The following RANBP17 variants were observed in gnomAD, a reference collection of about 807,000 sequenced individuals.
The protein encoded by RANBP17 is ran-binding protein 17.
In RANBP17, 158 loss-of-function variants were observed where a neutral mutation model predicts 141.2. The ratio of observed to expected loss-of-function variants is 1.12; its 90% CI spans 0.98 to 1.28. RANBP17 has a LOEUF of 1.28. Among genes scored for constraint, RANBP17 ranks in the 50% most tolerant of loss-of-function variants. The pLI, the probability that RANBP17 is intolerant of heterozygous loss-of-function variation, is 0.00. For missense variants in RANBP17, 1,438 were observed against 1,290.7 expected, an observed-to-expected ratio of 1.11 and a Z score of -1.75; for synonymous variants, 430 against 450.0, an observed-to-expected ratio of 0.96 and a Z score of 0.56.
chr5:171,011,130 A>T (rs901474699), intron 14 of RANBP17, among the ~76,000 whole-genome samples: 14 of 152,120 alleles, frequency 9.2e-5, no homozygotes, highest in African/African-American at 3.4e-4. Flanking sequence ...ATCTCTCATG[A>T]GCACAAATAC....
At chr5:171,164,733 A>T (rs960117912) in intron 14 of RANBP17, among the ~76,000 whole-genome samples, 3 of 152,226 alleles carry the variant, frequency 2.0e-5, no homozygotes, top group Non-Finnish European at 4.4e-5. Flanking sequence ...AGAGATGGGT[A>T]ACTGGTTAAA....
chr5:171,158,526 A>G (rs1169661270), intron 14 of RANBP17: 1 of 179,912 alleles, frequency 5.6e-6, no homozygotes, highest in African/African-American at 2.4e-5. Context: ...TAACAAGAAA[A>G]ATTATAACAT....
chr5:171,025,518 C>T (rs1231531985), intron 14 of RANBP17, among the ~76,000 whole-genome samples: 1 of 151,796 alleles, frequency 6.6e-6, no homozygotes, highest in African/African-American at 2.4e-5. Context: ...AGCCTTCCCT[C>T]ACCCTCACTC....
At chr5:171,186,189 C>G (rs1256568358) in intron 18 of RANBP17, among the ~76,000 whole-genome samples, 1 of 152,182 alleles carries the variant, frequency 6.6e-6, no homozygotes, top group East Asian at 1.9e-4. Flanking sequence ...ACATTGACCT[C>G]TCCTCTGTAG....
chr5:171,205,484 A>G (rs1372706344), intron 19 of RANBP17, 40 bp from the exon 20 acceptor site: 1 of 1,527,088 alleles, frequency 6.5e-7, no homozygotes, highest in South Asian at 1.1e-5. Context: ...GCTCTGCGCT[A>G]ACGTGAAAAT....
At chr5:171,104,505 C>T (rs1754635778) in intron 14 of RANBP17, among the ~76,000 whole-genome samples, 1 of 152,154 alleles carries the variant, frequency 6.6e-6, no homozygotes, top group Non-Finnish European at 1.5e-5. Context: ...TGCTTCATTG[C>T]CACATTACAT....
Position 171,118,373 on chromosome 5 carries a change from A to C in RANBP17, c.1711-51757A>C. Reference sequence around the variant, plus strand: ...CTTTTTACTCGATGTCATTTTGGCTATATTTGGGGTCTTTGTGCTTCTATA... The same window carrying C: ...CTTTTTACTCGATGTCATTTTGGCTCTATTTGGGGTCTTTGTGCTTCTATA... On this transcript the variant is annotated intron_variant, in intron 14 of 27. Coordinates refer to ENST00000523189, the MANE Select transcript of RANBP17 (RefSeq NM_022897.5). Among the ~76,000 whole-genome samples the C allele has an allele frequency of 1.3e-5, 2 of 152,024 alleles. 1 individual carries two copies. The highest frequency in any genetic ancestry group is 4.2e-4 in the South Asian group (2 of 4,816).
intron 14 of RANBP17, among the ~76,000 whole-genome samples, chr5:171,077,209 G>C (rs965287164): frequency 1.3e-5 from 2 of 152,004 alleles, no homozygotes; most frequent in Non-Finnish European, 2.9e-5. Flanking sequence ...GTGTGGTGGC[G>C]GGCGCCTGTA....
Position 170,918,866 on chromosome 5 carries a change from A to G in RANBP17, c.1101+7A>G. 2.6e-6 allele frequency: 4 copies of G among 1,538,086 alleles called. No individual in the cohort carries two copies. Among genetic ancestry groups the G allele is most frequent in the Non-Finnish European group, 3.5e-6 (4 of 1,136,490 alleles). Reference sequence around the variant, plus strand: ...TACCATTACTAGCCTACAGGTAGGTAAAAATATGTAATTATGTTAAACTGT... The same window carrying G: ...TACCATTACTAGCCTACAGGTAGGTGAAAATATGTAATTATGTTAAACTGT... On this transcript the variant is annotated splice_region_variant and intron_variant, in intron 10 of 27. Coordinates refer to ENST00000523189, the MANE Select transcript of RANBP17 (RefSeq NM_022897.5).
intron 14 of RANBP17, among the ~76,000 whole-genome samples, chr5:171,125,194 G>A (rs1246239036): frequency 1.3e-5 from 2 of 151,580 alleles, no homozygotes; most frequent in Non-Finnish European, 2.9e-5. Flanking sequence ...CTACTCGGGA[G>A]GCTGAGGCAT....
intron 25 of RANBP17, among the ~76,000 whole-genome samples, chr5:171,271,801 A>G (rs140572126): frequency 6.6e-6 from 1 of 152,274 alleles, no homozygotes; most frequent in Non-Finnish European, 1.5e-5. Context: ...CTCAAATTTC[A>G]TAACAGAATT....
chr5:170,907,172 A>G (rs113137228), intron 5 of RANBP17, among the ~76,000 whole-genome samples: 30 of 152,052 alleles, frequency 2.0e-4, no homozygotes, highest in East Asian at 9.7e-4. Context: ...GGAGGATTAT[A>G]TAAGTTATCC....
intron 14 of RANBP17, among the ~76,000 whole-genome samples, chr5:171,159,917 CAAAAAA>C (rs1175963382): frequency 4.6e-4 from 19 of 41,488 alleles, no homozygotes; most frequent in South Asian, 1.1e-3. Context: ...GACTCCATCT[CAAAAAA>C]AAAAAAAAAA....
Position 170,955,588 on chromosome 5 carries a change from A to G in RANBP17, c.1574+1886A>G, listed in dbSNP as rs1422233717. On this transcript the variant is annotated intron_variant, in intron 13 of 27. Transcript: ENST00000523189. Reference sequence around the variant, plus strand: ...ATATATGCTCAGTCTGTGTGTATATATATATATATATATATATATATGCTC... The same window carrying G: ...ATATATGCTCAGTCTGTGTGTATATGTATATATATATATATATATATGCTC... 3.4e-3 allele frequency among the ~76,000 whole-genome samples: 255 copies of G among 74,844 alleles called. 14 individuals are homozygous for G. The highest frequency in any genetic ancestry group is 0.015 in the African/African-American group (248 of 16,954). The allele number at this position is 74,844 out of a possible 152,430, so 49.1% of individuals were successfully genotyped here.
intron 7 of RANBP17, among the ~76,000 whole-genome samples, chr5:170,912,710 A>C (rs950228691): frequency 6.6e-6 from 1 of 151,894 alleles, no homozygotes; most frequent in Admixed American, 6.6e-5. Context: ...AGGAAAAAAA[A>C]ACCAAGAAAA....
chr5:170,982,373 C>T (rs984545035), intron 14 of RANBP17, among the ~76,000 whole-genome samples: 23 of 151,992 alleles, frequency 1.5e-4, no homozygotes, highest in African/African-American at 5.6e-4. Context: ...CAATAGCTAG[C>T]CTCTTGAAGA....
At chr5:170,942,530 A>G (rs1265504235) in intron 12 of RANBP17, among the ~76,000 whole-genome samples, 1 of 152,194 alleles carries the variant, frequency 6.6e-6, no homozygotes, top group African/African-American at 2.4e-5. Context: ...CTCCAAACAA[A>G]TGAGACTTGA....
In RANBP17 at chr5:171,293,952, CT is replaced by C; in HGVS notation, c.3014del (p.Leu1005ProfsTer15). On this transcript the variant is annotated frameshift_variant, in exon 26 of 28. Coordinates refer to ENST00000523189, the MANE Select transcript of RANBP17 (RefSeq NM_022897.5). LOFTEE classifies it high-confidence loss of function. ...CRNQWSVSRP[L>X]LGLILLNEKY... Reference sequence around the variant, plus strand: ...GAACCAGTGGTCAGTATCCAGGCCTCTCCTGGGGCTCATCCTGCTCAATGAG... The same window carrying C: ...GAACCAGTGGTCAGTATCCAGGCCTCCCTGGGGCTCATCCTGCTCAATGAG... The C allele has an allele frequency of 6.2e-7, 1 of 1,613,662 alleles. No individual in the cohort carries two copies. Among genetic ancestry groups the C allele is most frequent in the Non-Finnish European group, 8.5e-7 (1 of 1,179,612 alleles).
chr5:171,220,788 T>G (rs748683222), intron 21 of RANBP17, among the ~76,000 whole-genome samples: 3 of 152,186 alleles, frequency 2.0e-5, no homozygotes, highest in Non-Finnish European at 4.4e-5. Context: ...AAGAATTACC[T>G]TGTGAAATTT....
Sources: gnomAD v4.1 joint callset for allele counts (sites outside exome capture counted in the v4.1 genomes callset) on GRCh38, gnomAD v4.1.1 for gene constraint, MANE v1.5 for transcripts, NCBI Gene and HGNC (gene_info 2026-07-23, HGNC 2026-07-21) for gene names.